The following LRBA variants were observed in gnomAD, a reference collection of about 807,000 sequenced individuals.
LRBA encodes the protein LPS responsive beige-like anchor protein, also known as lipopolysaccharide-responsive and beige-like anchor protein.
A neutral mutation model predicts 330.0 loss-of-function variants in LRBA; 176 were observed. That is an observed-to-expected ratio of 0.53 (90% CI 0.47 to 0.60). The LOEUF is 0.60. Ranked by LOEUF, LRBA falls within the 20% of genes least tolerant of loss-of-function variation. The pLI, the probability that LRBA is intolerant of heterozygous loss-of-function variation, is 0.00. For synonymous variants in LRBA, 1,230 were observed against 1,193.0 expected (o/e 1.03, Z -0.64); for missense variants, 3,259 against 3,444.8 (o/e 0.95, Z 1.35).
intron 40 of LRBA, among the ~76,000 whole-genome samples, chr4:150,574,785 G>A (rs1770327275): frequency 6.6e-6 from 1 of 151,926 alleles, no homozygotes; most frequent in Non-Finnish European, 1.5e-5. Flanking sequence ...AGAAATAGAA[G>A]GCCCAATTAA....
In LRBA at chr4:151,014,487, G is replaced by C. The variant is rs762733537; in HGVS notation, c.156C>G (p.Thr52=). The C allele has an allele frequency of 6.8e-6, 11 of 1,614,166 alleles. No individual in the cohort carries two copies. The highest frequency in any genetic ancestry group is 8.5e-6 in the Non-Finnish European group (10 of 1,180,032). The change falls in exon 2 of 57, where the codon ACC becomes ACG. Residue 52 remains threonine, a synonymous_variant. Coordinates refer to ENST00000651943, the MANE Select transcript of LRBA (RefSeq NM_001364905.1). Reference sequence around the variant, plus strand: ...ATACTTCTCCAACTTCAACCAAACCGGTCAACACGGCAAATTTCATTCTGA... The same window carrying C: ...ATACTTCTCCAACTTCAACCAAACCCGTCAACACGGCAAATTTCATTCTGA... ...RGIRMKFAVL[T]GLVEVGEVSN...
chr4:150,388,841 T>C (rs746551893), intron 47 of LRBA, among the ~76,000 whole-genome samples: 7 of 152,086 alleles, frequency 4.6e-5, no homozygotes, highest in Non-Finnish European at 8.8e-5. Context: ...TAAATTTAAG[T>C]TAATTAAAAC....
At chr4:150,553,534 G>C (rs1766894499) in intron 40 of LRBA, among the ~76,000 whole-genome samples, 1 of 151,932 alleles carries the variant, frequency 6.6e-6, no homozygotes, top group South Asian at 2.1e-4. Flanking sequence ...TTCCTAACAG[G>C]GAAACTGGGT....
At chr4:150,311,741 G>A (rs1340706199) in intron 51 of LRBA, among the ~76,000 whole-genome samples, 1 of 152,160 alleles carries the variant, frequency 6.6e-6, no homozygotes, top group East Asian at 1.9e-4. Context: ...CAGCAGTAGT[G>A]AAAAGGGCAG....
intron 47 of LRBA, among the ~76,000 whole-genome samples, chr4:150,351,972 A>G (rs1474338810): frequency 6.6e-6 from 1 of 152,250 alleles, no homozygotes; most frequent in African/African-American, 2.4e-5. Context: ...CTCTATCTCA[A>G]AGTATCTGAT....
chr4:150,610,828 A>C (rs1288496390), intron 37 of LRBA, among the ~76,000 whole-genome samples: 1 of 152,186 alleles, frequency 6.6e-6, no homozygotes, highest in Non-Finnish European at 1.5e-5. Flanking sequence ...TTTATCCTGC[A>C]TCCCAAGCTA....
At chr4:150,737,230 C>T (rs960840179) in intron 35 of LRBA, among the ~76,000 whole-genome samples, 2 of 152,078 alleles carry the variant, frequency 1.3e-5, no homozygotes, top group Non-Finnish European at 2.9e-5. Context: ...AACCAACCAA[C>T]CAACCACCTA....
At chr4:150,880,320 G>A (rs1728219539) in intron 17 of LRBA, among the ~76,000 whole-genome samples, 1 of 152,148 alleles carries the variant, frequency 6.6e-6, no homozygotes, top group Admixed American at 6.5e-5. Context: ...AGGAATTTGA[G>A]ACCAGCCTAG....
At chr4:150,280,401 C>G (rs922563622) in intron 55 of LRBA, among the ~76,000 whole-genome samples, 1 of 152,192 alleles carries the variant, frequency 6.6e-6, no homozygotes, top group Non-Finnish European at 1.5e-5. Flanking sequence ...CTAAAACAGC[C>G]TCAGGAAGGG....
chr4:150,977,363 G>A (rs1029352521), intron 2 of LRBA, among the ~76,000 whole-genome samples: 1 of 152,150 alleles, frequency 6.6e-6, no homozygotes, highest in African/African-American at 2.4e-5. Flanking sequence ...ATTCCAGGTC[G>A]TAGCTCGGGC....
In LRBA at chr4:150,683,686, C is replaced by T. The variant is rs747575946; in HGVS notation, c.5786G>A (p.Arg1929Gln). The part of the protein sequence containing the change: ...SLCAQYSADK[R>Q]EDEKMCDHLI... ...ATGATCACACATCTTCTCATCTTCTCGTTTGTCTGCAGAATACTGGGCACA... is the reference window on the plus strand; with the variant it reads ...ATGATCACACATCTTCTCATCTTCTTGTTTGTCTGCAGAATACTGGGCACA... The change falls in exon 37 of 57, where the codon CGA becomes CAA. Residue 1929 changes from arginine to glutamine, a missense_variant. Arg to Gln is a conservative substitution (Grantham distance 43). Coordinates refer to ENST00000651943, the MANE Select transcript of LRBA (RefSeq NM_001364905.1). 1.4e-5 allele frequency: 23 copies of T among 1,612,886 alleles called. 1 individual carries two copies. The highest frequency in any genetic ancestry group is 1.8e-5 in the Non-Finnish European group (21 of 1,179,410).
intron 40 of LRBA, among the ~76,000 whole-genome samples, chr4:150,516,288 T>C (rs1439122354): frequency 7.4e-6 from 1 of 135,092 alleles, no homozygotes; most frequent in African/African-American, 2.7e-5. Flanking sequence ...CACAGCTTAA[T>C]GTGGAATGAT....
At chr4:150,585,499 A>C (rs1188012763) in intron 40 of LRBA, among the ~76,000 whole-genome samples, 1 of 152,216 alleles carries the variant, frequency 6.6e-6, no homozygotes, top group East Asian at 1.9e-4. Flanking sequence ...CAATATACTC[A>C]TTTCAATGTT....
At chr4:150,689,338 T>C (rs1783909749) in intron 36 of LRBA, among the ~76,000 whole-genome samples, 1 of 151,946 alleles carries the variant, frequency 6.6e-6, no homozygotes, top group South Asian at 2.1e-4. Context: ...AGGGATAGCA[T>C]TAAGAGAAAT....
chr4:150,906,446 C>A, intron 11 of LRBA, 41 bp from the exon 12 acceptor site: 1 of 1,136,298 alleles, frequency 8.8e-7, no homozygotes, highest in Non-Finnish European at 1.3e-6. Context: ...AAAACATATT[C>A]TATTTTTTTT....
At chr4:150,909,951 A>G (rs1439971981) in intron 9 of LRBA, among the ~76,000 whole-genome samples, 1 of 152,070 alleles carries the variant, frequency 6.6e-6, no homozygotes. Context: ...GGCTATTTTT[A>G]TATCTTCTTT....
chr4:150,510,672 T>G (rs938468737), intron 40 of LRBA, among the ~76,000 whole-genome samples: 1 of 152,068 alleles, frequency 6.6e-6, no homozygotes, highest in African/African-American at 2.4e-5. Context: ...CCTTCTTAGT[T>G]TACACTGAGT....
At chr4:150,868,123 T>G in intron 21 of LRBA, 59 bp downstream of exon 21, 1 of 1,511,958 alleles carries the variant, frequency 6.6e-7, no homozygotes, top group Non-Finnish European at 8.9e-7. Flanking sequence ...TTAGATAAAA[T>G]GGGCTTATAC....
intron 34 of LRBA, among the ~76,000 whole-genome samples, chr4:150,777,721 T>C (rs1425492910): frequency 6.6e-6 from 1 of 152,052 alleles, no homozygotes; most frequent in Non-Finnish European, 1.5e-5. Flanking sequence ...GGCTCCCATC[T>C]GTAATCCCAG....
Sources: gnomAD v4.1 joint callset for allele counts (sites outside exome capture counted in the v4.1 genomes callset) on GRCh38, gnomAD v4.1.1 for gene constraint, MANE v1.5 for transcripts, NCBI Gene and HGNC (gene_info 2026-07-23, HGNC 2026-07-21) for gene names.